Variants in MAGEC3 observed in about 807,000 individuals in gnomAD.
MAGEC3 encodes the protein melanoma-associated antigen C3.
Under a neutral mutation model 35.3 loss-of-function variants are expected in MAGEC3, and 34 were observed. That is an observed-to-expected ratio of 0.96 (90% CI 0.73 to 1.28). The LOEUF is 1.28. MAGEC3 is among the 50% of genes most tolerant of loss of function. The pLI, the probability that MAGEC3 is intolerant of heterozygous loss-of-function variation, is 0.00. For synonymous variants in MAGEC3, 202 were observed against 185.6 expected, an observed-to-expected ratio of 1.09 and a Z score of -0.72; for missense variants, 561 against 483.6, an observed-to-expected ratio of 1.16 and a Z score of -1.50.
rs1431833982 is a variant in MAGEC3, at chrX:141,895,230, T to C, written c.910-39T>C. ...GGAGAGGTGGGGGGTGGTTTTTCCATGGAGAGGAGGCCCCACCCCACGCTG... is the reference window on the plus strand; with the variant it reads ...GGAGAGGTGGGGGGTGGTTTTTCCACGGAGAGGAGGCCCCACCCCACGCTG... On this transcript the variant is annotated intron_variant, in intron 4 of 7. Coordinates refer to ENST00000298296, the MANE Select transcript of MAGEC3 (RefSeq NM_138702.1). The C allele has an allele frequency of 6.8e-6, 8 of 1,181,973 alleles. No homozygotes were observed. The South Asian group carries it at 1.5e-4, about 22-fold the overall frequency.
At chrX:141,846,302 G>T (rs2017716292) in intron 1 of MAGEC3, among the ~76,000 whole-genome samples, 1 of 107,734 alleles carries the variant, frequency 9.3e-6, no homozygotes, top group African/African-American at 3.4e-5. Flanking sequence ...ATCTACAGTT[G>T]CTTTCTATTA....
chrX:141,869,764 A>C (rs968062871), intron 2 of MAGEC3, among the ~76,000 whole-genome samples: 1 of 112,367 alleles, frequency 8.9e-6, no homozygotes, highest in South Asian at 3.6e-4. Context: ...CACAACTGAC[A>C]AAGAAATTTG....
chrX:141,843,438 A>T (rs888009993), intron 1 of MAGEC3, among the ~76,000 whole-genome samples: 3 of 111,614 alleles, frequency 2.7e-5, no homozygotes, highest in African/African-American at 9.7e-5. Flanking sequence ...ATATTTTTGT[A>T]TTGTTTCTGA....
chrX:141,856,561 G>A (rs1007454679), intron 1 of MAGEC3, among the ~76,000 whole-genome samples: 1 of 102,515 alleles, frequency 9.8e-6, no homozygotes, highest in Non-Finnish European at 2.0e-5. Flanking sequence ...TCAAATAAAG[G>A]TATATATCCA....
chrX:141,848,330 G>T (rs1470161320), intron 1 of MAGEC3, among the ~76,000 whole-genome samples: 1 of 109,933 alleles, frequency 9.1e-6, no homozygotes, highest in Non-Finnish European at 1.9e-5. Context: ...AAAATAAGAA[G>T]TCAACCTATC....
intron 1 of MAGEC3, among the ~76,000 whole-genome samples, chrX:141,851,245 G>A (rs1366501816): frequency 9.0e-6 from 1 of 110,731 alleles, no homozygotes; most frequent in Non-Finnish European, 1.9e-5. Flanking sequence ...GATCACTGAA[G>A]CATCTTTGTC....
At chrX:141,851,327 T>G (rs2017749690) in intron 1 of MAGEC3, among the ~76,000 whole-genome samples, 1 of 110,105 alleles carries the variant, frequency 9.1e-6, no homozygotes, top group Non-Finnish European at 1.9e-5. Flanking sequence ...GCTACACTCC[T>G]TGTTTGGCAC....
At position 141,885,493 on chromosome X, in the gene MAGEC3, C is replaced by T. The variant is rs752267972; in HGVS notation, c.909+3697C>T. Among the ~76,000 whole-genome samples the T allele has an allele frequency of 1.5e-3, 166 of 107,458 alleles. 2 individuals are homozygous for T. The highest frequency in any genetic ancestry group is 9.6e-3 in the Middle Eastern group (2 of 208). 93.3% of individuals were successfully genotyped at this position (107,458 alleles called of 115,157 possible). A position where few individuals can be genotyped will look rare whatever the true frequency, so the allele number is the denominator to read the frequency against. On this transcript the variant is annotated intron_variant, in intron 4 of 7. Transcript: ENST00000298296. ...TAGCCTGGCCAAGATAGTGAAACCC[C>T]GTCTCTACTAAAAATACAAAAATTA...
chrX:141,856,991 T>C (rs1217861595), intron 1 of MAGEC3, among the ~76,000 whole-genome samples: 1 of 111,248 alleles, frequency 9.0e-6, no homozygotes, highest in African/African-American at 3.3e-5. Flanking sequence ...GGATGAGAAG[T>C]TCTTTGGAGA....
At chrX:141,893,716 G>C (rs926637880) in intron 4 of MAGEC3, among the ~76,000 whole-genome samples, 2 of 52,631 alleles carry the variant, frequency 3.8e-5, no homozygotes, top group Non-Finnish European at 8.0e-5. Flanking sequence ...GCAGGAATTG[G>C]GGGGGGGGGC....
rs959051269 is a variant in MAGEC3, at chrX:141,879,277, A to T, written c.361A>T (p.Lys121Ter). 2.5e-6 allele frequency: 3 copies of T among 1,206,545 alleles called. No individual in the cohort carries two copies. The highest frequency in any genetic ancestry group is 3.4e-6 in the Non-Finnish European group (3 of 892,939). Residue 121 changes from lysine to a stop codon, truncating the protein, a stop_gained, in exon 3 of 8, where the codon AAG becomes TAG. Transcript: ENST00000298296. LOFTEE classifies it high-confidence loss of function. Reference sequence around the variant, plus strand: ...TTCTCTGAGGAGGGCAGTTTCAGTTAAGCAGAGGGAGGAACCCCAGGACTG... The same window carrying T: ...TTCTCTGAGGAGGGCAGTTTCAGTTTAGCAGAGGGAGGAACCCCAGGACTG... ...KFSLRRAVSV[K>*]QREEPQDWPL...
intron 2 of MAGEC3, among the ~76,000 whole-genome samples, chrX:141,876,251 G>T (rs934715952): frequency 8.9e-6 from 1 of 111,810 alleles, no homozygotes; most frequent in African/African-American, 3.3e-5. Context: ...ATGACTTTCT[G>T]GAGTAGAACT....
At chrX:141,845,449 T>C (rs906307282) in intron 1 of MAGEC3, among the ~76,000 whole-genome samples, 2 of 111,167 alleles carry the variant, frequency 1.8e-5, no homozygotes, top group Non-Finnish European at 3.8e-5. Context: ...TTTTGCCGAA[T>C]AAAAGTCGTA....
At chrX:141,881,308 C>T (rs892355775) in intron 3 of MAGEC3, 95 bp from the exon 4 acceptor site, 5 of 1,061,857 alleles carry the variant, frequency 4.7e-6, no homozygotes, top group East Asian at 3.0e-5. Flanking sequence ...GGGTCCTCTC[C>T]AGGGTTCCCT....
intron 1 of MAGEC3, among the ~76,000 whole-genome samples, chrX:141,863,101 A>G (rs767286551): frequency 3.5e-4 from 39 of 112,177 alleles, no homozygotes; most frequent in Non-Finnish European, 6.2e-4. Flanking sequence ...CTTAAAAATG[A>G]TTCTTAAAAA....
rs779870297 is a variant in MAGEC3 at position 141,879,279 on chromosome X, G to C, written c.363G>C (p.Lys121Asn). ...CTCTGAGGAGGGCAGTTTCAGTTAA[G>C]CAGAGGGAGGAACCCCAGGACTGGC... Reference protein sequence around the residue: ...KFSLRRAVSVKQREEPQDWPL... With the variant: ...KFSLRRAVSVNQREEPQDWPL... The change falls in exon 3 of 8, where the codon AAG (lysine) becomes AAC (asparagine). Residue 121 changes from lysine to asparagine, a missense_variant. Coordinates refer to ENST00000298296, the MANE Select transcript of MAGEC3 (RefSeq NM_138702.1). The C allele has an allele frequency of 1.7e-6, 2 of 1,204,971 alleles. No individual in the cohort carries two copies. Among genetic ancestry groups the C allele is most frequent in the East Asian group, 6.0e-5 (2 of 33,578 alleles).
chrX:141,875,589 G>T (rs1257482718), intron 2 of MAGEC3, among the ~76,000 whole-genome samples: 1 of 111,609 alleles, frequency 9.0e-6, no homozygotes, highest in African/African-American at 3.3e-5. Context: ...TCCTTTAAAA[G>T]GTCCCTGACA....
Position 141,897,017 on chromosome X carries a change from C to T in MAGEC3, c.1259C>T (p.Ser420Leu). ...SPPQSPLDSCSSPLLWTRLDE... is the reference protein window; with the variant it reads ...SPPQSPLDSCLSPLLWTRLDE... The stretch of plus-strand genomic sequence containing the variant: ...CCCCAGAGTCCTCTAGACTCCTGCT[C>T]ATCCCCTCTTTTGTGGACCCGATTG... The change falls in exon 7 of 8, where the codon TCA (serine) becomes TTA (leucine). Residue 420 changes from serine (S) to leucine (L), a missense_variant. Physicochemically the swap from Ser to Leu is moderately radical, Grantham distance 145. Coordinates refer to ENST00000298296, the MANE Select transcript of MAGEC3 (RefSeq NM_138702.1). 8.3e-7 allele frequency: 1 copy of T among 1,210,857 alleles called. No individual in the cohort carries two copies. Among genetic ancestry groups the T allele is most frequent in the Non-Finnish European group, 1.1e-6 (1 of 895,102 alleles).
chrX:141,859,886 G>C (rs975134305), intron 1 of MAGEC3, among the ~76,000 whole-genome samples: 3 of 111,916 alleles, frequency 2.7e-5, no homozygotes, highest in Non-Finnish European at 5.7e-5. Flanking sequence ...TGACAGAAAA[G>C]CTTTTTGCAA....
Sources: gnomAD v4.1 joint callset for allele counts (sites outside exome capture counted in the v4.1 genomes callset) on GRCh38, gnomAD v4.1.1 for gene constraint, MANE v1.5 for transcripts, NCBI Gene and HGNC (gene_info 2026-07-23, HGNC 2026-07-21) for gene names.